Variants in PPP1R9A observed in about 807,000 individuals in gnomAD.
The protein encoded by PPP1R9A is neurabin-1.
PPP1R9A carries 59 observed loss-of-function variants against 141.9 expected under a neutral mutation model. That is an observed-to-expected ratio of 0.42 (90% CI 0.34 to 0.52). The LOEUF (loss-of-function observed/expected upper bound fraction) is 0.52. Among genes scored for constraint, PPP1R9A ranks in the 20% least tolerant of loss-of-function variants. The pLI is 0.10. For missense variants in PPP1R9A, 1,444 were observed against 1,611.9 expected, an observed-to-expected ratio of 0.90 and a Z score of 1.78; for synonymous variants, 500 against 569.7, an observed-to-expected ratio of 0.88 and a Z score of 1.74.
At chr7:95,285,839 C>T (rs1454231632) in intron 17 of PPP1R9A, among the ~76,000 whole-genome samples, 1 of 152,218 alleles carries the variant, frequency 6.6e-6, no homozygotes, top group African/African-American at 2.4e-5. Context: ...AACTCAGCCT[C>T]TCCACACCAT....
At position 95,289,176 on chromosome 7, in the gene PPP1R9A, T is replaced by C. The variant is rs553123183; in HGVS notation, c.3912+458T>C. 2.0e-5 allele frequency among the ~76,000 whole-genome samples: 3 copies of C among 152,270 alleles called. No individual in the cohort carries two copies. In the South Asian group the frequency reaches 6.2e-4, roughly 32 times the overall value. The stretch of plus-strand genomic sequence containing the variant: ...TCCCCAGAAGTTTTTTCCCCAAATA[T>C]GTACACACATCTTCCCTCCCCTCCA... On this transcript the variant is annotated intron_variant, in intron 19 of 19. Coordinates refer to ENST00000433360, the MANE Select transcript of PPP1R9A (RefSeq NM_001166160.2).
At chr7:95,256,081 A>T (rs1029109109) in intron 12 of PPP1R9A, among the ~76,000 whole-genome samples, 1 of 152,060 alleles carries the variant, frequency 6.6e-6, no homozygotes, top group African/African-American at 2.4e-5. Flanking sequence ...AGGGTTATAT[A>T]AGGCATTTTA....
At chr7:94,947,960 T>C (rs1796069699) in intron 2 of PPP1R9A, among the ~76,000 whole-genome samples, 1 of 152,094 alleles carries the variant, frequency 6.6e-6, no homozygotes, top group Non-Finnish European at 1.5e-5. Context: ...GAGTGAAATA[T>C]TGAGTCTGGC....
At chr7:95,006,507 G>A (rs854733) in intron 2 of PPP1R9A, among the ~76,000 whole-genome samples, 55,462 of 151,774 alleles carry the variant, frequency 0.37, 11,311 homozygotes, top group Middle Eastern at 0.5. Context: ...CACCTTGCCC[G>A]GCCAAGAACA....
intron 2 of PPP1R9A, among the ~76,000 whole-genome samples, chr7:95,000,052 C>T (rs1372439257): frequency 2.0e-5 from 3 of 152,140 alleles, no homozygotes; most frequent in African/African-American, 7.2e-5. Flanking sequence ...ATCTGCTCGC[C>T]TTGGCCTCCC....
chr7:95,127,698 T>G (rs1230173577), intron 4 of PPP1R9A, among the ~76,000 whole-genome samples: 1 of 152,128 alleles, frequency 6.6e-6, no homozygotes, highest in Non-Finnish European at 1.5e-5. Context: ...GTTCCCAGTT[T>G]CGCTTGTTGC....
chr7:95,122,462 A>T (rs570748608), intron 4 of PPP1R9A, among the ~76,000 whole-genome samples: 1 of 152,252 alleles, frequency 6.6e-6, no homozygotes, highest in Admixed American at 6.5e-5. Context: ...TTTCTGTTTT[A>T]ATCCTAAAAA....
chr7:95,111,167 C>T, intron 2 of PPP1R9A, 92 bp from the exon 3 acceptor site: 3 of 1,287,328 alleles, frequency 2.3e-6, no homozygotes, highest in Non-Finnish European at 3.2e-6. Context: ...AGAAGAAATT[C>T]ATCACATGAA....
chr7:95,026,377 A>T (rs1251483405), intron 2 of PPP1R9A, among the ~76,000 whole-genome samples: 2 of 152,166 alleles, frequency 1.3e-5, no homozygotes, highest in African/African-American at 4.8e-5. Flanking sequence ...TCTACTCCAG[A>T]CCCAGTTTAC....
At position 94,979,995 on chromosome 7, in the gene PPP1R9A, T is replaced by C. The variant is rs1382038882; in HGVS notation, c.1395+68487T>C. Among the ~76,000 whole-genome samples, 3 of 152,200 alleles carry C rather than the reference T, an allele frequency of 2.0e-5. No homozygotes were observed. In the East Asian group the frequency reaches 5.8e-4, roughly 29 times the overall value. The stretch of plus-strand genomic sequence containing the variant: ...AAAATTCATAATACTTGTGAATTGG[T>C]ATAATTGTCTAGACTAATGCTTCTT... On this transcript the variant is annotated intron_variant, in intron 2 of 19. Transcript: ENST00000433360.
chr7:95,287,690 T>C (rs1174260180), intron 18 of PPP1R9A, among the ~76,000 whole-genome samples: 2 of 152,288 alleles, frequency 1.3e-5, no homozygotes, highest in South Asian at 4.1e-4. Flanking sequence ...TTTCCTTGTT[T>C]CTTTTTTTGT....
At chr7:95,110,178 C>T (rs148633314) in intron 2 of PPP1R9A, among the ~76,000 whole-genome samples, 19 of 152,184 alleles carry the variant, frequency 1.2e-4, no homozygotes, top group African/African-American at 4.6e-4. Context: ...TATAGGTTAC[C>T]ATATATAGAA....
chr7:94,930,996 A>G (rs1374703364), intron 2 of PPP1R9A, among the ~76,000 whole-genome samples: 3 of 152,190 alleles, frequency 2.0e-5, no homozygotes, highest in Non-Finnish European at 2.9e-5. Context: ...AATAGTTATG[A>G]AGATTAATGT....
At chr7:95,230,989 A>C (rs1795842738) in intron 8 of PPP1R9A, among the ~76,000 whole-genome samples, 1 of 152,174 alleles carries the variant, frequency 6.6e-6, no homozygotes, top group Admixed American at 6.5e-5. Context: ...TTCACCAATC[A>C]AGTTTCTGCT....
intron 4 of PPP1R9A, among the ~76,000 whole-genome samples, chr7:95,160,106 A>G (rs909173019): frequency 3.3e-5 from 5 of 151,880 alleles, no homozygotes; most frequent in African/African-American, 9.7e-5. Flanking sequence ...ATATATATAG[A>G]AATGTAAAAG....
chr7:95,203,643 T>A (rs1790067117), intron 6 of PPP1R9A, 22 bp from the exon 7 acceptor site: 1 of 1,529,436 alleles, frequency 6.5e-7, no homozygotes, highest in Non-Finnish European at 8.8e-7. Context: ...CCTTCTTTAA[T>A]ATTTTTTGTC....
chr7:94,983,808 C>T (rs1441315758), intron 2 of PPP1R9A, among the ~76,000 whole-genome samples: 1 of 152,002 alleles, frequency 6.6e-6, no homozygotes, highest in Non-Finnish European at 1.5e-5. Context: ...GTTTCCTAAT[C>T]GAATACCTTT....
At chr7:94,977,515 A>G (rs543389031) in intron 2 of PPP1R9A, among the ~76,000 whole-genome samples, 2 of 152,308 alleles carry the variant, frequency 1.3e-5, no homozygotes, top group South Asian at 4.1e-4. Flanking sequence ...TAATCTTTGA[A>G]TGGAGTCATT....
chr7:95,001,789 A>G (rs922277474), intron 2 of PPP1R9A, among the ~76,000 whole-genome samples: 2 of 152,222 alleles, frequency 1.3e-5, no homozygotes, highest in South Asian at 2.1e-4. Flanking sequence ...AGACAAAGCC[A>G]TTTATTAAAA....
Sources: allele counts gnomAD v4.1 joint callset (sites outside exome capture counted in the v4.1 genomes callset), GRCh38; gene constraint gnomAD v4.1.1; transcripts MANE v1.5; gene names NCBI Gene and HGNC (gene_info 2026-07-23, HGNC 2026-07-21).